The following FAAH2 variants were observed in gnomAD, a reference collection of about 807,000 sequenced individuals.
The protein encoded by FAAH2 is fatty acid amide hydrolase 2, also known as fatty-acid amide hydrolase 2.
Under a neutral mutation model 36.9 loss-of-function variants are expected in FAAH2, and 60 were observed. The observed-to-expected ratio is 1.63, with a 90% CI of 1.32 to 2.02. FAAH2 has a LOEUF of 2.02. FAAH2 is among the 30% of genes most tolerant of loss of function. The pLI is 0.00. For synonymous variants in FAAH2, 214 were observed against 143.8 expected, an observed-to-expected ratio of 1.49 and a Z score of -3.49; for missense variants, 689 against 397.5, an observed-to-expected ratio of 1.73 and a Z score of -6.23.
At chrX:57,265,347 C>G in the FAAH2 span, among the ~76,000 whole-genome samples, 1 of 111,650 alleles carries the variant, frequency 9.0e-6, no homozygotes, top group East Asian at 2.8e-4. Flanking sequence ...TCTGTGAACC[C>G]CACTTCCGTT....
At chrX:57,417,418 A>T (rs947616189) in intron 7 of FAAH2, among the ~76,000 whole-genome samples, 1 of 110,552 alleles carries the variant, frequency 9.0e-6, no homozygotes, top group Admixed American at 9.7e-5. Context: ...TTCTGTGTGG[A>T]TGTTCTTTTT....
At chrX:57,376,523 G>A (rs1484952830) in intron 5 of FAAH2, among the ~76,000 whole-genome samples, 2 of 111,286 alleles carry the variant, frequency 1.8e-5, no homozygotes, top group African/African-American at 3.3e-5. Context: ...CGCTGAGAAT[G>A]ATGGTCACAT....
At chrX:57,231,602 C>A in the FAAH2 span, among the ~76,000 whole-genome samples, 1 of 111,392 alleles carries the variant, frequency 9.0e-6, no homozygotes, top group African/African-American at 3.3e-5. Context: ...TTTATCATTA[C>A]AATAATGCCA....
chrX:57,488,808 A>G lies in FAAH2; in HGVS notation c.1475A>G (p.Asn492Ser), dbSNP rs751675111. 2 of 1,209,522 alleles carry G rather than the reference A, an allele frequency of 1.7e-6. No individual in the cohort carries two copies. Among genetic ancestry groups the G allele is most frequent in the African/African-American group, 3.5e-5 (2 of 57,102 alleles). The change falls in exon 11 of 11, where the codon AAT (asparagine) becomes AGT (serine). Residue 492 changes from asparagine to serine, a missense_variant. By Grantham distance (46) the Asn-to-Ser change is conservative (BLOSUM62 1). Transcript: ENST00000374900. Reference sequence around the variant, plus strand: ...GTGACCCAATGCCCACTGGGACTGAATGCCAAAGGACTCCCTTTAGGCATC... The same window carrying G: ...GTGACCCAATGCCCACTGGGACTGAGTGCCAAAGGACTCCCTTTAGGCATC... ...LPVTQCPLGL[N>S]AKGLPLGIQV... is the part of the protein sequence containing the mutation.
chrX:57,339,234 C>T (rs919974909), intron 4 of FAAH2, among the ~76,000 whole-genome samples: 1 of 112,180 alleles, frequency 8.9e-6, no homozygotes, highest in Non-Finnish European at 1.9e-5. Context: ...AAACTGGACC[C>T]TTTCTTTACA....
chrX:57,161,821 C>T, the FAAH2 span, among the ~76,000 whole-genome samples: 7 of 111,598 alleles, frequency 6.3e-5, no homozygotes, highest in Non-Finnish European at 1.1e-4. Context: ...TCCAATTTGC[C>T]AGTCTGTGTC....
chrX:57,176,777 G>C, the FAAH2 span, among the ~76,000 whole-genome samples: 1 of 111,013 alleles, frequency 9.0e-6, no homozygotes, highest in Admixed American at 9.6e-5. Flanking sequence ...TTCCCCCTTT[G>C]AGTATGTGAC....
intron 7 of FAAH2, among the ~76,000 whole-genome samples, chrX:57,411,239 G>A (rs1334126332): frequency 1.8e-5 from 2 of 112,025 alleles, no homozygotes; most frequent in African/African-American, 6.5e-5. Context: ...CTGGTGCTCT[G>A]ACCATCCCAT....
At chrX:57,442,457 G>A (rs1240006429) in intron 8 of FAAH2, among the ~76,000 whole-genome samples, 1 of 110,559 alleles carries the variant, frequency 9.0e-6, no homozygotes, top group African/African-American at 3.3e-5. Flanking sequence ...TTTTCCATTT[G>A]CTTGGTAGAT....
chrX:57,324,062 T>C (rs1213640006), intron 3 of FAAH2, among the ~76,000 whole-genome samples: 2 of 112,168 alleles, frequency 1.8e-5, no homozygotes, highest in African/African-American at 6.5e-5. Flanking sequence ...TGCTTATGGC[T>C]AGCCAGTTTT....
At chrX:57,455,472 C>A (rs1004092196) in intron 10 of FAAH2, among the ~76,000 whole-genome samples, 1 of 110,565 alleles carries the variant, frequency 9.0e-6, no homozygotes, top group Non-Finnish European at 1.9e-5. Flanking sequence ...TGTAAAGGGT[C>A]TAAAAGTACC....
At chrX:57,485,078 G>T (rs1202675028) in intron 10 of FAAH2, among the ~76,000 whole-genome samples, 1 of 112,017 alleles carries the variant, frequency 8.9e-6, no homozygotes, top group African/African-American at 3.2e-5. Context: ...GGGCAAGCCA[G>T]CCATGATGTG....
the FAAH2 span, among the ~76,000 whole-genome samples, chrX:57,188,479 T>C: frequency 9.0e-6 from 1 of 110,674 alleles, no homozygotes; most frequent in African/African-American, 3.3e-5. Context: ...TGGCTAGTGG[T>C]CTATTTTGTT....
At chrX:57,396,272 A>G (rs749999300) in intron 7 of FAAH2, among the ~76,000 whole-genome samples, 53 of 111,134 alleles carry the variant, frequency 4.8e-4, no homozygotes, top group African/African-American at 1.6e-3. Flanking sequence ...TTCAAAGAAC[A>G]AACTTTTCAT....
chrX:57,426,439 C>G (rs1335121495), intron 7 of FAAH2, among the ~76,000 whole-genome samples: 2 of 111,410 alleles, frequency 1.8e-5, no homozygotes, highest in African/African-American at 3.3e-5. Flanking sequence ...ACATACTCAA[C>G]AAATTTAGAA....
At chrX:57,209,941 T>A in the FAAH2 span, among the ~76,000 whole-genome samples, 1 of 109,930 alleles carries the variant, frequency 9.1e-6, no homozygotes, top group Non-Finnish European at 1.9e-5. Flanking sequence ...GGGTTAATTA[T>A]GTGGTTTTTT....
chrX:57,471,495 G>A (rs1166636813), intron 10 of FAAH2, among the ~76,000 whole-genome samples: 1 of 111,566 alleles, frequency 9.0e-6, no homozygotes, highest in Non-Finnish European at 1.9e-5. Context: ...ATTCACAATT[G>A]CTTCAAAGAG....
the FAAH2 span, among the ~76,000 whole-genome samples, chrX:57,278,436 A>T: frequency 8.9e-6 from 1 of 111,742 alleles, no homozygotes; most frequent in Non-Finnish European, 1.9e-5. Flanking sequence ...TTCAAGATGG[A>T]TTAAAGATTT....
chrX:57,226,208 G>C, the FAAH2 span, among the ~76,000 whole-genome samples: 1 of 111,640 alleles, frequency 9.0e-6, no homozygotes, highest in South Asian at 3.7e-4. Flanking sequence ...TGTTTTTGTT[G>C]TTGTTGTTTT....
Sources: gnomAD v4.1 joint callset for allele counts (sites outside exome capture counted in the v4.1 genomes callset) on GRCh38, gnomAD v4.1.1 for gene constraint, MANE v1.5 for transcripts, NCBI Gene and HGNC (gene_info 2026-07-23, HGNC 2026-07-21) for gene names.